Variants in CSMD1 observed in about 807,000 individuals in gnomAD.
CSMD1 encodes CUB and sushi domain-containing protein 1.
Under a neutral mutation model 417.5 loss-of-function variants are expected in CSMD1, and 213 were observed. The ratio of observed to expected loss-of-function variants is 0.51; its 90% CI spans 0.46 to 0.57. The LOEUF is 0.57. Ranked by LOEUF, CSMD1 falls within the 20% of genes least tolerant of loss-of-function variation. The pLI, the probability that CSMD1 is intolerant of heterozygous loss-of-function variation, is 0.00. For missense variants in CSMD1, 6,923 were observed against 4,529.7 expected, an observed-to-expected ratio of 1.53 and a Z score of -15.17; for synonymous variants, 2,862 against 1,736.8, an observed-to-expected ratio of 1.65 and a Z score of -16.11.
intron 1 of CSMD1, among the ~76,000 whole-genome samples, chr8:4,930,012 G>C (rs13280124): frequency 0.31 from 46,402 of 152,084 alleles, 8,053 homozygotes; most frequent in Non-Finnish European, 0.4. Flanking sequence ...GCACTGATGA[G>C]GTGAATGAAG....
chr8:3,556,790 T>C (rs936833294), intron 10 of CSMD1, among the ~76,000 whole-genome samples: 1 of 152,154 alleles, frequency 6.6e-6, no homozygotes, highest in Non-Finnish European at 1.5e-5. Flanking sequence ...ATAGAAAGAC[T>C]GCCAAAAGAG....
At chr8:3,773,996 C>G (rs976628531) in intron 5 of CSMD1, among the ~76,000 whole-genome samples, 1 of 152,140 alleles carries the variant, frequency 6.6e-6, no homozygotes, top group African/African-American at 2.4e-5. Context: ...GCTCTTAATT[C>G]TTTTACTTAC....
intron 1 of CSMD1, among the ~76,000 whole-genome samples, chr8:4,655,589 A>G (rs1166448854): frequency 6.6e-6 from 1 of 152,100 alleles, no homozygotes; most frequent in Non-Finnish European, 1.5e-5. Context: ...TTTTTCAAAA[A>G]ACTTCTGTGT....
chr8:4,888,268 A>G (rs1434152722), intron 1 of CSMD1, among the ~76,000 whole-genome samples: 1 of 152,124 alleles, frequency 6.6e-6, no homozygotes, highest in Non-Finnish European at 1.5e-5. Flanking sequence ...GTAATTTTCA[A>G]GATATGTTGT....
At chr8:3,289,876 G>C (rs992047370) in intron 25 of CSMD1, among the ~76,000 whole-genome samples, 10 of 147,460 alleles carry the variant, frequency 6.8e-5, no homozygotes, top group Non-Finnish European at 1.5e-4. Context: ...ATTGCTTTTG[G>C]CATTTTAGAC....
At chr8:3,039,229 AG>A (rs1288736758) in intron 50 of CSMD1, among the ~76,000 whole-genome samples, 2 of 139,986 alleles carry the variant, frequency 1.4e-5, no homozygotes, top group African/African-American at 6.5e-5. Flanking sequence ...TAGCCTTCTC[AG>A]CCCGCAAAAT....
rs185948533 is a variant in CSMD1 at position 3,991,330 on chromosome 8, T to C, written c.818+6573A>G. ...GGGTGGAGGTACCTAGGTTGTGGCGTAGTCTGGGATGGCCAGTTTTCTCCA... is the reference window on the plus strand; with the variant it reads ...GGGTGGAGGTACCTAGGTTGTGGCGCAGTCTGGGATGGCCAGTTTTCTCCA... On this transcript the variant is annotated intron_variant, in intron 5 of 69. Coordinates refer to ENST00000635120, the MANE Select transcript of CSMD1 (RefSeq NM_033225.6). Among the ~76,000 whole-genome samples, 550 of 152,310 alleles carry C rather than the reference T, an allele frequency of 3.6e-3. 3 individuals carry two copies. Among genetic ancestry groups the C allele is most frequent in the Non-Finnish European group, 6.4e-3 (436 of 68,030 alleles).
chr8:3,793,777 A>T (rs1242800795), intron 5 of CSMD1, among the ~76,000 whole-genome samples: 1 of 152,152 alleles, frequency 6.6e-6, no homozygotes, highest in Non-Finnish European at 1.5e-5. Context: ...TTGACGACAG[A>T]GACCTTGCCT....
chr8:3,391,451 T>A (rs1811343742), intron 17 of CSMD1, among the ~76,000 whole-genome samples: 1 of 152,212 alleles, frequency 6.6e-6, no homozygotes, highest in South Asian at 2.1e-4. Context: ...AAGTGGTGAT[T>A]TAAAGATCAA....
chr8:4,091,502 C>T lies in CSMD1; in HGVS notation c.416-59403G>A, dbSNP rs143856628. Among the ~76,000 whole-genome samples the T allele has an allele frequency of 1.9e-3, 283 of 152,298 alleles. 5 individuals are homozygous for T. In the East Asian group the frequency reaches 0.019, roughly 10 times the overall value. ...TTTAAAAGTATTTACTTATATGCTGCATTGCTGGAAGATAATTATGTTAAA... is the reference window on the plus strand; with the variant it reads ...TTTAAAAGTATTTACTTATATGCTGTATTGCTGGAAGATAATTATGTTAAA... On this transcript the variant is annotated intron_variant, in intron 3 of 69. Transcript: ENST00000635120.
intron 26 of CSMD1, among the ~76,000 whole-genome samples, chr8:3,268,286 C>CTTT (rs1344257668): frequency 2.0e-5 from 2 of 100,060 alleles, no homozygotes; most frequent in African/African-American, 3.8e-5. Context: ...TGGTTCATTT[C>CTTT]CTATTTTTTT....
intron 3 of CSMD1, among the ~76,000 whole-genome samples, chr8:4,054,663 T>A (rs572797823): frequency 1.1e-4 from 17 of 152,266 alleles, no homozygotes; most frequent in Non-Finnish European, 2.1e-4. Context: ...CCTTGCACAG[T>A]GTCTCATAGG....
chr8:3,961,473 T>A (rs973145833), intron 5 of CSMD1, among the ~76,000 whole-genome samples: 1 of 152,166 alleles, frequency 6.6e-6, no homozygotes, highest in African/African-American at 2.4e-5. Context: ...AATGACATTT[T>A]AAAAGTCTAG....
At chr8:4,429,859 A>C (rs1797772714) in intron 2 of CSMD1, among the ~76,000 whole-genome samples, 1 of 152,124 alleles carries the variant, frequency 6.6e-6, no homozygotes, top group African/African-American at 2.4e-5. Flanking sequence ...CATTCAGTTA[A>C]GTTCTATGAA....
rs1288610287 is a variant in CSMD1, at chr8:3,411,695, C to T, written c.1562-2090G>A. On this transcript the variant is annotated intron_variant, in intron 12 of 69. Coordinates refer to ENST00000635120, the MANE Select transcript of CSMD1 (RefSeq NM_033225.6). ...GTGTATATATACGTGTATATATACA[C>T]ACGTATATATACACGTATATATACA... Among the ~76,000 whole-genome samples the T allele has an allele frequency of 8.6e-4, 112 of 129,872 alleles. 1 individual carries two copies. The highest frequency in any genetic ancestry group is 8.2e-3 in the East Asian group (30 of 3,678). 85.2% of individuals were successfully genotyped at this position (129,872 alleles called of 152,430 possible).
intron 11 of CSMD1, among the ~76,000 whole-genome samples, chr8:3,488,757 C>G (rs1329707368): frequency 1.3e-5 from 2 of 152,102 alleles, no homozygotes; most frequent in Non-Finnish European, 2.9e-5. Flanking sequence ...AAGTCAAGAA[C>G]AGGGTTCAAA....
intron 3 of CSMD1, among the ~76,000 whole-genome samples, chr8:4,268,510 AAGT>A (rs1804365566): frequency 6.6e-6 from 1 of 152,186 alleles, no homozygotes; most frequent in Non-Finnish European, 1.5e-5. Context: ...TTAGAGAAAC[AAGT>A]AGTAGTCAAA....
chr8:3,230,581 C>A (rs576273136), intron 26 of CSMD1, among the ~76,000 whole-genome samples: 6 of 152,192 alleles, frequency 3.9e-5, no homozygotes, highest in African/African-American at 1.4e-4. Flanking sequence ...CCCCATACTG[C>A]AAATTACATA....
chr8:3,269,718 C>T (rs988054479), intron 26 of CSMD1, among the ~76,000 whole-genome samples: 6 of 152,242 alleles, frequency 3.9e-5, no homozygotes, highest in Non-Finnish European at 8.8e-5. Flanking sequence ...ACTCCATTTT[C>T]GTGAGTTTTA....
Sources: allele counts gnomAD v4.1 joint callset (sites outside exome capture counted in the v4.1 genomes callset), GRCh38; gene constraint gnomAD v4.1.1; transcripts MANE v1.5; gene names NCBI Gene and HGNC (gene_info 2026-07-23, HGNC 2026-07-21).